POLGARF: variants seen among roughly 807,000 people sequenced by gnomAD.
POLGARF encodes the protein POLG alternative reading frame.
chr15:89,333,492 A>C, the POLGARF span: 4 of 1,612,690 alleles, frequency 2.5e-6, no homozygotes, highest in East Asian at 6.7e-5. Flanking sequence ...TCCTTGCCCG[A>C]AGATTTGCTC....
At chr15:89,333,624 T>C in the POLGARF span, 136 of 1,590,330 alleles carry the variant, frequency 8.6e-5, no homozygotes, top group Admixed American at 1.8e-3. Flanking sequence ...CTGCTGCTGC[T>C]GCTGCCGCCG....
chr15:89,331,399 C>T, the POLGARF span, among the ~76,000 whole-genome samples: 2 of 152,040 alleles, frequency 1.3e-5, no homozygotes, highest in Non-Finnish European at 2.9e-5. Context: ...GTAACAGGAA[C>T]TTTGGTTACA....
At chr15:89,332,613 CG>C in the POLGARF span, among the ~76,000 whole-genome samples, 4 of 60,464 alleles carry the variant, frequency 6.6e-5, no homozygotes, top group African/African-American at 3.1e-4. Flanking sequence ...GGCAGGGGGG[CG>C]GGGGGGTGTT....
At chr15:89,331,220 G>T in the POLGARF span, among the ~76,000 whole-genome samples, 1 of 152,126 alleles carries the variant, frequency 6.6e-6, no homozygotes, top group Admixed American at 6.5e-5. Flanking sequence ...GCAAAAAGAG[G>T]TTCCTAGTTT....
the POLGARF span, chr15:89,330,225 G>T: frequency 6.2e-7 from 1 of 1,613,380 alleles, no homozygotes; most frequent in Non-Finnish European, 8.5e-7. Flanking sequence ...GCGACAGCTG[G>T]CTGGTCCAAG....
chr15:89,333,644 G>A, the POLGARF span: 11 of 1,585,286 alleles, frequency 6.9e-6, no homozygotes, highest in South Asian at 2.2e-5. Flanking sequence ...GCCGCTGCCC[G>A]TCGCTGGGGT....
At chr15:89,333,370 G>C in the POLGARF span, 1 of 1,576,954 alleles carries the variant, frequency 6.3e-7, no homozygotes, top group Non-Finnish European at 8.6e-7. Flanking sequence ...CCGTAGAGGG[G>C]CGGCAGGCGC....
At chr15:89,333,534 A>C in the POLGARF span, 1 of 1,612,820 alleles carries the variant, frequency 6.2e-7, no homozygotes, top group Non-Finnish European at 8.5e-7. Flanking sequence ...CTGGATGTCC[A>C]ATGGGTTGTG....
At chr15:89,333,794 T>C in the POLGARF span, 2 of 1,534,288 alleles carry the variant, frequency 1.3e-6, no homozygotes, top group African/African-American at 2.7e-5. Context: ...TCAGAACACC[T>C]GGCTTTGGGC....
the POLGARF span, chr15:89,333,085 C>T: frequency 6.6e-7 from 1 of 1,510,744 alleles, no homozygotes; most frequent in Non-Finnish European, 8.9e-7. Flanking sequence ...CCCAACCCTG[C>T]CCCTACTTAC....
chr15:89,331,255 A>G, the POLGARF span, among the ~76,000 whole-genome samples: 1 of 152,124 alleles, frequency 6.6e-6, no homozygotes, highest in African/African-American at 2.4e-5. Context: ...TCGAACTCAT[A>G]CTCCAAATGG....
At chr15:89,333,503 G>T in the POLGARF span, 1 of 1,612,752 alleles carries the variant, frequency 6.2e-7, no homozygotes. Flanking sequence ...AGATTTGCTC[G>T]TGCAGCCCTC....
chr15:89,333,039 A>ATTAAGTTCACTG, the POLGARF span: 1 of 1,491,468 alleles, frequency 6.7e-7, no homozygotes, highest in Non-Finnish European at 8.9e-7. Flanking sequence ...TCACTGAAAC[A>ATTAAGTTCACTG]AACTATTAAG....
chr15:89,330,426 C>G, the POLGARF span: 5 of 711,058 alleles, frequency 7.0e-6, no homozygotes, highest in Non-Finnish European at 1.3e-5. Context: ...ACTCAAACAG[C>G]TACAGGTCAG....
At chr15:89,331,275 G>C in the POLGARF span, among the ~76,000 whole-genome samples, 38 of 152,132 alleles carry the variant, frequency 2.5e-4, no homozygotes, top group African/African-American at 8.5e-4. Flanking sequence ...GTGAAAATAA[G>C]CCAAGGGACT....
chr15:89,333,007 G>A, the POLGARF span: 4 of 1,477,450 alleles, frequency 2.7e-6, no homozygotes, highest in Non-Finnish European at 3.6e-6. Context: ...CACCCAGCCC[G>A]TAACAGGACC....
At chr15:89,333,425 G>A in the POLGARF span, 43 of 1,607,994 alleles carry the variant, frequency 2.7e-5, no homozygotes, top group Non-Finnish European at 3.3e-5. Flanking sequence ...CCCAGAGCCC[G>A]TGCTTCTGCA....
the POLGARF span, chr15:89,333,409 G>A: frequency 1.0e-5 from 16 of 1,604,396 alleles, no homozygotes; most frequent in East Asian, 3.6e-4. Flanking sequence ...GGCACGGCTG[G>A]CTGCCCCCAG....
At chr15:89,332,992 G>C in the POLGARF span, 1 of 1,445,522 alleles carries the variant, frequency 6.9e-7, no homozygotes, top group East Asian at 2.4e-5. Flanking sequence ...CGCTCCCTAC[G>C]TGAGCACCCA....
Sources: allele counts gnomAD v4.1 joint callset (sites outside exome capture counted in the v4.1 genomes callset), GRCh38; gene constraint gnomAD v4.1.1; transcripts MANE v1.5; gene names NCBI Gene and HGNC (gene_info 2026-07-23, HGNC 2026-07-21).